Variants in HPSE2 observed in about 807,000 individuals in gnomAD.
HPSE2 encodes the protein inactive heparanase-2.
A neutral mutation model predicts 60.5 loss-of-function variants in HPSE2; 38 were observed. That is an observed-to-expected ratio of 0.63 (90% CI 0.48 to 0.82). The LOEUF (loss-of-function observed/expected upper bound fraction) is 0.82, where lower values mean the gene tolerates loss of function less well. Ranked by LOEUF, HPSE2 falls within the 40% of genes least tolerant of loss-of-function variation. The pLI is 0.00. For missense variants in HPSE2, 713 were observed against 740.4 expected (o/e 0.96, Z 0.43); for synonymous variants, 295 against 293.2 (o/e 1.01, Z -0.06).
At chr10:99,153,730 C>A (rs1036922882) in intron 2 of HPSE2, among the ~76,000 whole-genome samples, 3 of 152,228 alleles carry the variant, frequency 2.0e-5, no homozygotes, top group African/African-American at 7.2e-5. Context: ...TCCTCACCAG[C>A]AACAGAACAA....
intron 9 of HPSE2, among the ~76,000 whole-genome samples, chr10:98,498,847 G>A (rs1941936855): frequency 6.6e-6 from 1 of 152,146 alleles, no homozygotes; most frequent in Non-Finnish European, 1.5e-5. Flanking sequence ...TTATAGAATT[G>A]CAAAATGTTC....
the HPSE2 span, among the ~76,000 whole-genome samples, chr10:99,255,740 T>C: frequency 4.6e-5 from 7 of 152,360 alleles, no homozygotes; most frequent in South Asian, 4.1e-4. Context: ...TCATATTTAA[T>C]GGCAAAAGAC....
chr10:98,726,736 C>A (rs1220672953), intron 4 of HPSE2, among the ~76,000 whole-genome samples: 1 of 151,564 alleles, frequency 6.6e-6, no homozygotes, highest in East Asian at 1.9e-4. Flanking sequence ...CACACATACT[C>A]CCTGTAATCT....
intron 2 of HPSE2, among the ~76,000 whole-genome samples, chr10:99,153,763 AC>A (rs1190274668): frequency 6.6e-6 from 1 of 152,252 alleles, no homozygotes; most frequent in Non-Finnish European, 1.5e-5. Context: ...AATGACTTTG[AC>A]GAGCTGAGAG....
At chr10:99,238,142 T>G (rs1014695368), upstream of HPSE2, among the ~76,000 whole-genome samples, 10 of 152,240 alleles carry the variant, frequency 6.6e-5, no homozygotes, top group Non-Finnish European at 1.2e-4. Context: ...ATTATATATT[T>G]TTAACAATGA....
intron 9 of HPSE2, among the ~76,000 whole-genome samples, chr10:98,527,572 C>T (rs183518705): frequency 6.6e-6 from 1 of 152,312 alleles, no homozygotes; most frequent in African/African-American, 2.4e-5. Flanking sequence ...AGAGACCTAT[C>T]TTTACCTATT....
chr10:98,532,478 A>G (rs891747228), intron 9 of HPSE2, among the ~76,000 whole-genome samples: 1 of 152,178 alleles, frequency 6.6e-6, no homozygotes, highest in East Asian at 1.9e-4. Context: ...GATGATAAAG[A>G]TGCCTACCTC....
chr10:98,877,935 T>A (rs904365118), intron 3 of HPSE2, among the ~76,000 whole-genome samples: 5 of 151,782 alleles, frequency 3.3e-5, no homozygotes, highest in Non-Finnish European at 2.9e-5. Context: ...ACTTTCTAGG[T>A]TTAAGGCGGT....
intron 3 of HPSE2, among the ~76,000 whole-genome samples, chr10:98,979,746 G>A (rs913707424): frequency 1.3e-5 from 2 of 152,082 alleles, no homozygotes; most frequent in Non-Finnish European, 2.9e-5. Flanking sequence ...ACAACAAATA[G>A]AAAGGAAATA....
intron 9 of HPSE2, among the ~76,000 whole-genome samples, chr10:98,586,396 C>T (rs986230716): frequency 2.0e-5 from 3 of 152,140 alleles, no homozygotes; most frequent in Non-Finnish European, 2.9e-5. Flanking sequence ...ATGTCCTAAA[C>T]GACATTCACA....
At chr10:98,934,549 C>A (rs1954735251) in intron 3 of HPSE2, among the ~76,000 whole-genome samples, 2 of 144,224 alleles carry the variant, frequency 1.4e-5, no homozygotes, top group South Asian at 4.2e-4. Context: ...TTAGTTTGGC[C>A]AGATATGAAA....
chr10:99,236,947 C>T (rs1208264193), upstream of HPSE2, among the ~76,000 whole-genome samples: 1 of 152,152 alleles, frequency 6.6e-6, no homozygotes, highest in Non-Finnish European at 1.5e-5. Flanking sequence ...TGCGCCTTTA[C>T]AGTGCCAGAT....
intron 3 of HPSE2, among the ~76,000 whole-genome samples, chr10:98,830,854 G>T (rs1951667799): frequency 6.6e-6 from 1 of 152,172 alleles, no homozygotes; most frequent in Non-Finnish European, 1.5e-5. Context: ...TAATGGAGAT[G>T]AAATTCAATT....
intron 2 of HPSE2, among the ~76,000 whole-genome samples, chr10:99,208,081 A>G (rs545883948): frequency 6.6e-6 from 1 of 150,830 alleles, no homozygotes; most frequent in East Asian, 1.9e-4. Context: ...AAGTTATACC[A>G]TAATAAAATT....
chr10:98,720,914 T>G (rs991806021), intron 5 of HPSE2, among the ~76,000 whole-genome samples: 1 of 152,208 alleles, frequency 6.6e-6, no homozygotes, highest in African/African-American at 2.4e-5. Flanking sequence ...TATATCTGTA[T>G]AACCAGGAGG....
intron 9 of HPSE2, among the ~76,000 whole-genome samples, chr10:98,501,333 T>C (rs938833642): frequency 3.3e-5 from 5 of 151,978 alleles, no homozygotes; most frequent in Non-Finnish European, 7.4e-5. Flanking sequence ...CAACAACATA[T>C]CAAAAAGATA....
intron 3 of HPSE2, among the ~76,000 whole-genome samples, chr10:99,140,073 T>C (rs1048287635): frequency 6.6e-6 from 1 of 152,218 alleles, no homozygotes; most frequent in Non-Finnish European, 1.5e-5. Flanking sequence ...TATTTTACTT[T>C]GATAAAGTAG....
intron 3 of HPSE2, among the ~76,000 whole-genome samples, chr10:99,124,495 G>A (rs1845088683): frequency 6.6e-6 from 1 of 152,146 alleles, no homozygotes; most frequent in Non-Finnish European, 1.5e-5. Context: ...GTGCCTGCAG[G>A]CCTGTGCTGA....
chr10:98,505,157 T>C (rs560437752), intron 9 of HPSE2, among the ~76,000 whole-genome samples: 3 of 152,344 alleles, frequency 2.0e-5, no homozygotes, highest in Non-Finnish European at 4.4e-5. Flanking sequence ...TTTGAAATTC[T>C]TGTTCCTGTT....
Sources: gnomAD v4.1 joint callset for allele counts (sites outside exome capture counted in the v4.1 genomes callset) on GRCh38, gnomAD v4.1.1 for gene constraint, MANE v1.5 for transcripts, NCBI Gene and HGNC (gene_info 2026-07-23, HGNC 2026-07-21) for gene names.